NRXN1: variants seen among roughly 807,000 people sequenced by gnomAD.
The protein encoded by NRXN1 is neurexin-1.
NRXN1 carries 39 observed loss-of-function variants against 150.9 expected under a neutral mutation model. The ratio of observed to expected loss-of-function variants is 0.26; its 90% CI spans 0.20 to 0.34. The LOEUF (loss-of-function observed/expected upper bound fraction) is 0.34, where lower values mean the gene tolerates loss of function less well. NRXN1 is among the 10% of genes least tolerant of loss of function. The pLI is 1.00. For missense variants in NRXN1, 1,815 were observed against 1,949.9 expected, an observed-to-expected ratio of 0.93 and a Z score of 1.30; for synonymous variants, 924 against 757.0, an observed-to-expected ratio of 1.22 and a Z score of -3.62.
chr2:50,407,441 A>ATTGATATTGTCTGT (rs1388614523), intron 17 of NRXN1, among the ~76,000 whole-genome samples: 1 of 152,154 alleles, frequency 6.6e-6, no homozygotes, highest in African/African-American at 2.4e-5. Context: ...CACTGTCTTC[A>ATTGATATTGTCTGT]GCCTCATTGA....
chr2:50,528,173 A>G (rs144775989), intron 12 of NRXN1, among the ~76,000 whole-genome samples: 20 of 152,300 alleles, frequency 1.3e-4, no homozygotes, highest in African/African-American at 4.3e-4. Flanking sequence ...TTAGACGAGT[A>G]ATTTTCTATG....
intron 8 of NRXN1, among the ~76,000 whole-genome samples, chr2:50,557,680 T>C (rs1364502448): frequency 6.6e-6 from 1 of 152,192 alleles, no homozygotes; most frequent in Non-Finnish European, 1.5e-5. Flanking sequence ...GGTCCTAGCA[T>C]GGAGTAAGTG....
intron 17 of NRXN1, among the ~76,000 whole-genome samples, chr2:50,414,845 A>C (rs551934651): frequency 6.6e-6 from 1 of 152,316 alleles, no homozygotes; most frequent in Non-Finnish European, 1.5e-5. Context: ...ATATATCAAT[A>C]AACTGTAAAA....
chr2:50,614,609 A>C (rs576985161), intron 8 of NRXN1, among the ~76,000 whole-genome samples: 1 of 149,680 alleles, frequency 6.7e-6, no homozygotes, highest in African/African-American at 2.4e-5. Context: ...CACGTTGTAC[A>C]CACGTACCCT....
intron 17 of NRXN1, among the ~76,000 whole-genome samples, chr2:50,373,619 G>GAGAAAGAAAAGAAAGAAAGAA (rs2080205936): frequency 9.2e-6 from 1 of 108,190 alleles, no homozygotes; most frequent in Non-Finnish European, 1.9e-5. Flanking sequence ...AAGAGAGAGA[G>GAGAAAGAAAAGAAAGAAAGAA]AGAAAGAAAA....
At chr2:50,358,394 G>T (rs536937515) in intron 17 of NRXN1, among the ~76,000 whole-genome samples, 1 of 152,190 alleles carries the variant, frequency 6.6e-6, no homozygotes, top group Non-Finnish European at 1.5e-5. Flanking sequence ...GCTTGGTGTG[G>T]GGAGGGACGT....
At chr2:50,503,719 A>C (rs1039338555) in intron 13 of NRXN1, among the ~76,000 whole-genome samples, 27 of 152,084 alleles carry the variant, frequency 1.8e-4, no homozygotes, top group African/African-American at 6.5e-4. Flanking sequence ...ATCAAGCAAA[A>C]CTCTGCAATA....
chr2:50,506,006 A>G (rs1462671947), intron 13 of NRXN1, among the ~76,000 whole-genome samples: 2 of 152,156 alleles, frequency 1.3e-5, no homozygotes, highest in Non-Finnish European at 2.9e-5. Flanking sequence ...TTAGAATTTA[A>G]CCAACTGAGC....
intron 16 of NRXN1, among the ~76,000 whole-genome samples, chr2:50,470,422 A>G (rs1311568195): frequency 1.3e-5 from 2 of 151,792 alleles, no homozygotes. Flanking sequence ...GAACTCAACA[A>G]CACCTTCCAT....
intron 21 of NRXN1, among the ~76,000 whole-genome samples, chr2:49,951,915 C>T (rs1254307141): frequency 6.6e-6 from 1 of 152,000 alleles, no homozygotes; most frequent in Non-Finnish European, 1.5e-5. Flanking sequence ...ATAATTTCAA[C>T]TAGCATGACT....
intron 18 of NRXN1, among the ~76,000 whole-genome samples, chr2:50,198,778 G>A (rs1445728338): frequency 2.0e-5 from 3 of 152,072 alleles, no homozygotes; most frequent in African/African-American, 7.2e-5. Flanking sequence ...GAGGCCCTAG[G>A]TCTTGAATAT....
chr2:51,015,722 T>G (rs1171948765), intron 2 of NRXN1, among the ~76,000 whole-genome samples: 1 of 152,000 alleles, frequency 6.6e-6, no homozygotes, highest in East Asian at 1.9e-4. Context: ...AAGACATATT[T>G]TAATCCAACC....
intron 2 of NRXN1, among the ~76,000 whole-genome samples, chr2:50,946,609 T>G (rs952537144): frequency 6.6e-6 from 1 of 152,184 alleles, no homozygotes; most frequent in Admixed American, 6.6e-5. Context: ...TTACTTACAT[T>G]TAATTTGTCT....
At chr2:50,348,911 C>T (rs2078229952) in intron 17 of NRXN1, among the ~76,000 whole-genome samples, 2 of 151,968 alleles carry the variant, frequency 1.3e-5, no homozygotes, top group Admixed American at 1.3e-4. Context: ...TTCTCACTAG[C>T]TTCTCACCAT....
chr2:50,515,236 G>C (rs13406827), intron 12 of NRXN1, among the ~76,000 whole-genome samples: 6,137 of 152,254 alleles, frequency 0.04, 409 homozygotes, highest in African/African-American at 0.14. Context: ...TCTAATGCCT[G>C]ATAATCAGTC....
At chr2:50,648,780 C>G (rs567622209) in intron 5 of NRXN1, among the ~76,000 whole-genome samples, 98 of 152,004 alleles carry the variant, frequency 6.4e-4, no homozygotes, top group African/African-American at 2.1e-3. Flanking sequence ...GCTTCTACCC[C>G]ACTTCTACCC....
intron 9 of NRXN1, chr2:50,548,100 C>A (rs1021689917): frequency 2.0e-5 from 3 of 152,050 alleles, no homozygotes; most frequent in Non-Finnish European, 1.5e-5. Context: ...AAGGGAAGGC[C>A]ACCAAAAAGA....
intron 17 of NRXN1, among the ~76,000 whole-genome samples, chr2:50,415,973 A>G (rs1047975719): frequency 1.4e-5 from 2 of 146,984 alleles, no homozygotes; most frequent in African/African-American, 2.6e-5. Context: ...AAAAAAAAAA[A>G]GCTTGGACTA....
chr2:50,659,464 C>T (rs934304188), intron 5 of NRXN1, among the ~76,000 whole-genome samples: 10 of 150,972 alleles, frequency 6.6e-5, no homozygotes, highest in East Asian at 5.9e-4. Context: ...TTTTTTAGTA[C>T]GCAACACATT....
Sources: gnomAD v4.1 joint callset for allele counts (sites outside exome capture counted in the v4.1 genomes callset) on GRCh38, gnomAD v4.1.1 for gene constraint, MANE v1.5 for transcripts, NCBI Gene and HGNC (gene_info 2026-07-23, HGNC 2026-07-21) for gene names.